RTN1: variants seen among roughly 807,000 people sequenced by gnomAD.
RTN1 encodes reticulon 1.
Under a neutral mutation model 65.5 loss-of-function variants are expected in RTN1, and 25 were observed. That is an observed-to-expected ratio of 0.38 (90% CI 0.28 to 0.53). The LOEUF (loss-of-function observed/expected upper bound fraction) is 0.53. Among genes scored for constraint, RTN1 ranks in the 20% least tolerant of loss-of-function variants. The pLI is 0.79. For synonymous variants in RTN1, 471 were observed against 447.6 expected, an observed-to-expected ratio of 1.05 and a Z score of -0.66; for missense variants, 983 against 1,025.4, an observed-to-expected ratio of 0.96 and a Z score of 0.57.
chr14:59,599,160 G>T (rs909788857), intron 8 of RTN1, among the ~76,000 whole-genome samples: 6 of 152,076 alleles, frequency 3.9e-5, no homozygotes, highest in Admixed American at 3.9e-4. Flanking sequence ...AACCCCCGAG[G>T]TATTTTTTAC....
At chr14:59,652,358 T>C (rs1160225407) in intron 3 of RTN1, among the ~76,000 whole-genome samples, 1 of 152,222 alleles carries the variant, frequency 6.6e-6, no homozygotes, top group Non-Finnish European at 1.5e-5. Flanking sequence ...TAAATCATTC[T>C]ACCATAATGA....
chr14:59,606,692 C>G (rs1266161674), intron 4 of RTN1, among the ~76,000 whole-genome samples: 6 of 152,248 alleles, frequency 3.9e-5, no homozygotes, highest in Non-Finnish European at 7.3e-5. Context: ...CATATATCCG[C>G]TTAGTTAGTA....
intron 1 of RTN1, among the ~76,000 whole-genome samples, chr14:59,805,926 G>T (rs1370902508): frequency 5.3e-5 from 8 of 152,056 alleles, no homozygotes; most frequent in Non-Finnish European, 7.4e-5. Context: ...TCTTATGAAT[G>T]ATATGAATTG....
chr14:59,806,283 C>A (rs1188630485), intron 1 of RTN1, among the ~76,000 whole-genome samples: 3 of 151,112 alleles, frequency 2.0e-5, no homozygotes, highest in Non-Finnish European at 4.4e-5. Context: ...TGACTTAATA[C>A]AATTGTGAAT....
chr14:59,734,889 C>T (rs186052875), intron 2 of RTN1, among the ~76,000 whole-genome samples: 1 of 151,998 alleles, frequency 6.6e-6, no homozygotes, highest in African/African-American at 2.4e-5. Context: ...GCAGAGAACC[C>T]CAGCAAGATA....
chr14:59,859,536 G>A (rs1443935722), intron 1 of RTN1, among the ~76,000 whole-genome samples: 1 of 152,184 alleles, frequency 6.6e-6, no homozygotes, highest in African/African-American at 2.4e-5. Context: ...CCAGTAAAGT[G>A]GGGTGCTGCT....
intron 3 of RTN1, among the ~76,000 whole-genome samples, chr14:59,714,336 G>A (rs1045796915): frequency 6.6e-5 from 10 of 151,990 alleles, no homozygotes; most frequent in African/African-American, 2.4e-4. Context: ...ATTACATCAT[G>A]GGTTATCCCA....
intron 1 of RTN1, among the ~76,000 whole-genome samples, chr14:59,784,671 G>A (rs1886220819): frequency 1.3e-5 from 2 of 152,140 alleles, no homozygotes; most frequent in Non-Finnish European, 1.5e-5. Flanking sequence ...TTCTTTTTCA[G>A]ACTGAACATT....
At chr14:59,861,327 G>A (rs1887706179) in intron 1 of RTN1, among the ~76,000 whole-genome samples, 2 of 152,174 alleles carry the variant, frequency 1.3e-5, no homozygotes, top group Admixed American at 1.3e-4. Context: ...TGCCATCCAT[G>A]TAAGACATGA....
intron 1 of RTN1, among the ~76,000 whole-genome samples, chr14:59,851,598 G>A (rs1887508782): frequency 6.6e-6 from 1 of 151,946 alleles, no homozygotes; most frequent in Non-Finnish European, 1.5e-5. Flanking sequence ...GGTGGCTCAC[G>A]CCTGTAATCC....
intron 3 of RTN1, among the ~76,000 whole-genome samples, chr14:59,614,344 T>C (rs974214596): frequency 6.6e-6 from 1 of 152,136 alleles, no homozygotes; most frequent in African/African-American, 2.4e-5. Flanking sequence ...CTGAAGCCAG[T>C]CATCCAATTA....
Position 59,746,323 on chromosome 14 carries a change from CG to C in RTN1, c.399del (p.His133GlnfsTer24). 6.2e-7 allele frequency: 1 copy of C among 1,614,092 alleles called. No homozygotes were observed. Among genetic ancestry groups the C allele is most frequent in the Non-Finnish European group, 8.5e-7 (1 of 1,179,988 alleles). ...TCCTCAGGGCTCTCTGAAATGGTGACGTGGCCATTTTCCTTCTGAAGAATTC... is the reference window on the plus strand; with the variant it reads ...TCCTCAGGGCTCTCTGAAATGGTGACTGGCCATTTTCCTTCTGAAGAATTC... ...FTGILQKENG[H>X]VTISESPEEL... On this transcript the variant is annotated frameshift_variant, in exon 2 of 9. Transcript: ENST00000267484. LOFTEE classifies it high-confidence loss of function.
At chr14:59,711,708 G>T (rs79493323) in intron 3 of RTN1, among the ~76,000 whole-genome samples, 5 of 152,176 alleles carry the variant, frequency 3.3e-5, no homozygotes, top group African/African-American at 1.2e-4. Context: ...AAAGCTTAAC[G>T]TCTACTTGGG....
chr14:59,816,400 C>G lies in RTN1; in HGVS notation c.241+53990G>C, dbSNP rs1313309983. Among the ~76,000 whole-genome samples the G allele has an allele frequency of 1.3e-5, 2 of 152,198 alleles. No individual in the cohort carries two copies. The highest frequency in any genetic ancestry group is 4.8e-5 in the African/African-American group (2 of 41,442). On this transcript the variant is annotated intron_variant, in intron 1 of 8. Transcript: ENST00000267484. This position sits in a 1 kb window ranked among gnomAD's most constrained non-coding sequence, Gnocchi z 4.3. The stretch of plus-strand genomic sequence containing the variant: ...GACCATATGGTAACAAGGCTAATTG[C>G]CTGCCTTCTCCAATCCTCGGAGAGC...
chr14:59,600,055 C>CT (rs1555351126), intron 8 of RTN1, among the ~76,000 whole-genome samples: 1 of 152,124 alleles, frequency 6.6e-6, no homozygotes, highest in Non-Finnish European at 1.5e-5. Flanking sequence ...AAATTTGAGG[C>CT]TTTTTTCCTC....
intron 1 of RTN1, among the ~76,000 whole-genome samples, chr14:59,865,715 A>G (rs562287164): frequency 5.1e-4 from 77 of 152,140 alleles, no homozygotes; most frequent in Admixed American, 8.5e-4. Flanking sequence ...GAGCATTCCT[A>G]TGTAGATACG....
intron 3 of RTN1, among the ~76,000 whole-genome samples, chr14:59,721,831 C>T (rs1308785785): frequency 6.6e-6 from 1 of 152,150 alleles, no homozygotes; most frequent in Non-Finnish European, 1.5e-5. Flanking sequence ...AGGTCGGCAC[C>T]GAGTACCTTT....
intron 1 of RTN1, among the ~76,000 whole-genome samples, chr14:59,810,628 C>T (rs775542771): frequency 2.2e-4 from 33 of 152,192 alleles, no homozygotes; most frequent in Non-Finnish European, 3.8e-4. Flanking sequence ...AGATGTGATG[C>T]CTGGAGTGAT....
intron 3 of RTN1, among the ~76,000 whole-genome samples, chr14:59,639,833 AAATTTTG>A (rs1206150503): frequency 6.6e-6 from 1 of 152,200 alleles, no homozygotes; most frequent in Non-Finnish European, 1.5e-5. Flanking sequence ...TACATGCATC[AAATTTTG>A]AATGTTAAAC....
Sources: allele counts gnomAD v4.1 joint callset (sites outside exome capture counted in the v4.1 genomes callset), GRCh38; gene constraint gnomAD v4.1.1; non-coding constraint Gnocchi (gnomAD v3.1); transcripts MANE v1.5; gene names NCBI Gene and HGNC (gene_info 2026-07-23, HGNC 2026-07-21).